GMDS: variants seen among roughly 807,000 people sequenced by gnomAD.
GMDS encodes GDP-mannose 4,6 dehydratase.
A neutral mutation model predicts 49.9 loss-of-function variants in GMDS; 20 were observed. That is an observed-to-expected ratio of 0.40 (90% confidence interval 0.28 to 0.58). The LOEUF is 0.58. Ranked by LOEUF, GMDS falls within the 20% of genes least tolerant of loss-of-function variation. The pLI is 0.42. For synonymous variants in GMDS, 177 were observed against 178.6 expected, an observed-to-expected ratio of 0.99 and a Z score of 0.07; for missense variants, 362 against 481.4, an observed-to-expected ratio of 0.75 and a Z score of 2.32.
At chr6:1,807,645 G>C (rs750992820) in intron 7 of GMDS, among the ~76,000 whole-genome samples, 1 of 152,184 alleles carries the variant, frequency 6.6e-6, no homozygotes, top group Non-Finnish European at 1.5e-5. Context: ...AAGCCATTCA[G>C]TGGGGCCAAG....
chr6:1,633,387 G>A (rs1763052838), intron 9 of GMDS, among the ~76,000 whole-genome samples: 1 of 152,148 alleles, frequency 6.6e-6, no homozygotes, highest in Non-Finnish European at 1.5e-5. Context: ...CATATTTACT[G>A]CTTTAAGCCT....
chr6:1,956,103 A>G (rs1424744332), intron 6 of GMDS, among the ~76,000 whole-genome samples: 1 of 152,182 alleles, frequency 6.6e-6, no homozygotes, highest in Non-Finnish European at 1.5e-5. Context: ...ATTTATAGGA[A>G]ATCTTTCTAA....
intron 4 of GMDS, among the ~76,000 whole-genome samples, chr6:2,062,021 C>T (rs1400425036): frequency 1.3e-5 from 2 of 152,240 alleles, no homozygotes; most frequent in South Asian, 2.1e-4. Context: ...GCTACAAGTT[C>T]GGCAGCTGAA....
intron 4 of GMDS, among the ~76,000 whole-genome samples, chr6:2,089,822 T>G (rs1773217514): frequency 6.6e-6 from 1 of 152,194 alleles, no homozygotes; most frequent in Non-Finnish European, 1.5e-5. Flanking sequence ...AGGGTCTACT[T>G]GTGGTTACAC....
chr6:1,752,249 C>T (rs933791719), intron 7 of GMDS, among the ~76,000 whole-genome samples: 1 of 152,014 alleles, frequency 6.6e-6, no homozygotes, highest in Non-Finnish European at 1.5e-5. Flanking sequence ...ACACAAGTAT[C>T]AATAGCCAAA....
chr6:1,706,751 T>C (rs1765752813), intron 9 of GMDS, among the ~76,000 whole-genome samples: 1 of 152,226 alleles, frequency 6.6e-6, no homozygotes, highest in Admixed American at 6.5e-5. Flanking sequence ...TGCGCATTTT[T>C]ATGCTTCTTT....
At chr6:1,863,725 T>G (rs1202589353) in intron 7 of GMDS, among the ~76,000 whole-genome samples, 1 of 152,202 alleles carries the variant, frequency 6.6e-6, no homozygotes, top group East Asian at 1.9e-4. Context: ...AATATATGTG[T>G]CTGAAGAGTA....
chr6:1,887,395 T>C (rs1308629761), intron 7 of GMDS, among the ~76,000 whole-genome samples: 1 of 152,102 alleles, frequency 6.6e-6, no homozygotes, highest in Non-Finnish European at 1.5e-5. Flanking sequence ...CGTTTCTAGG[T>C]ATATTTTTGA....
chr6:1,960,021 G>T, intron 5 of GMDS, 50 bp from the exon 6 acceptor site: 1 of 1,056,816 alleles, frequency 9.5e-7, no homozygotes, highest in Non-Finnish European at 1.4e-6. Context: ...AAAAGACAGT[G>T]ATTCTCACCA....
At chr6:1,995,701 CT>C (rs1417467105) in intron 4 of GMDS, among the ~76,000 whole-genome samples, 1 of 152,168 alleles carries the variant, frequency 6.6e-6, no homozygotes, top group Non-Finnish European at 1.5e-5. Context: ...CAAGACATTC[CT>C]GGTTACTTTC....
At chr6:1,922,954 G>A (rs1761795194) in intron 7 of GMDS, among the ~76,000 whole-genome samples, 1 of 152,174 alleles carries the variant, frequency 6.6e-6, no homozygotes, top group South Asian at 2.1e-4. Context: ...TGAATCATGG[G>A]GGCGGTTCCC....
At chr6:2,132,264 G>T (rs1775778906) in intron 1 of GMDS, among the ~76,000 whole-genome samples, 1 of 152,072 alleles carries the variant, frequency 6.6e-6, no homozygotes, top group Non-Finnish European at 1.5e-5. Flanking sequence ...AAAATGATGG[G>T]CCTAGAGATA....
intron 9 of GMDS, among the ~76,000 whole-genome samples, chr6:1,681,988 C>CCTGGCTTTT (rs1764807920): frequency 6.6e-6 from 1 of 151,738 alleles, no homozygotes; most frequent in Admixed American, 6.6e-5. Context: ...AACCACTGTG[C>CCTGGCTTTT]CTGGCTTTTT....
chr6:1,749,731 T>G (rs1355676681), intron 7 of GMDS, among the ~76,000 whole-genome samples: 1 of 152,252 alleles, frequency 6.6e-6, no homozygotes, highest in Non-Finnish European at 1.5e-5. Flanking sequence ...TTATGGGTTT[T>G]TTAGGACTGA....
chr6:2,045,719 A>G (rs143310071), intron 4 of GMDS, among the ~76,000 whole-genome samples: 8 of 152,222 alleles, frequency 5.3e-5, no homozygotes, highest in Non-Finnish European at 1.2e-4. Context: ...AAATGTCATG[A>G]CAATGGAGTT....
chr6:2,160,592 AGTGTAGTG>A (rs1777346936), intron 1 of GMDS, among the ~76,000 whole-genome samples: 1 of 152,244 alleles, frequency 6.6e-6, no homozygotes, highest in Non-Finnish European at 1.5e-5. Flanking sequence ...CCCAGGCTGC[AGTGTAGTG>A]GTGCCATCAT....
intron 9 of GMDS, among the ~76,000 whole-genome samples, chr6:1,672,271 G>A (rs530327448): frequency 2.3e-4 from 35 of 152,282 alleles, no homozygotes; most frequent in African/African-American, 6.5e-4. Context: ...GCCGTGATGC[G>A]TGAATGAGAG....
intron 7 of GMDS, among the ~76,000 whole-genome samples, chr6:1,819,669 G>C (rs1379686765): frequency 6.6e-6 from 1 of 150,792 alleles, no homozygotes; most frequent in Admixed American, 6.6e-5. Context: ...GGAGAGGCAG[G>C]AGAATTGCTT....
chr6:1,774,509 T>C (rs1307340118), intron 7 of GMDS, among the ~76,000 whole-genome samples: 1 of 152,246 alleles, frequency 6.6e-6, no homozygotes, highest in African/African-American at 2.4e-5. Flanking sequence ...TCTCTCACTG[T>C]GTTATTAAAG....
Sources: gnomAD v4.1 joint callset for allele counts (sites outside exome capture counted in the v4.1 genomes callset) on GRCh38, gnomAD v4.1.1 for gene constraint, MANE v1.5 for transcripts, NCBI Gene and HGNC (gene_info 2026-07-23, HGNC 2026-07-21) for gene names.